Variants in HEATR5B observed in about 807,000 individuals in gnomAD.
HEATR5B encodes the protein HEAT repeat-containing protein 5B.
HEATR5B carries 156 observed loss-of-function variants against 224.1 expected under a neutral mutation model. The observed-to-expected ratio is 0.70, with a 90% CI of 0.61 to 0.80. The LOEUF (loss-of-function observed/expected upper bound fraction) is 0.80, where lower values mean the gene tolerates loss of function less well. HEATR5B is among the 30% of genes least tolerant of loss of function. The probability of loss-of-function intolerance (pLI) is 0.00; values close to 1 mark genes in which losing one functional copy is unlikely to be tolerated. For missense variants in HEATR5B, 2,323 were observed against 2,535.5 expected, an observed-to-expected ratio of 0.92 and a Z score of 1.80; for synonymous variants, 1,027 against 893.0, an observed-to-expected ratio of 1.15 and a Z score of -2.68.
intron 34 of HEATR5B, among the ~76,000 whole-genome samples, chr2:36,989,895 T>C (rs556566686): frequency 2.2e-5 from 3 of 135,174 alleles, no homozygotes; most frequent in African/African-American, 8.8e-5. Flanking sequence ...TCCAAGAATG[T>C]TTCCTTTTTT....
intron 8 of HEATR5B, among the ~76,000 whole-genome samples, chr2:37,068,041 T>C (rs1032256719): frequency 6.6e-6 from 1 of 152,158 alleles, no homozygotes; most frequent in Non-Finnish European, 1.5e-5. Flanking sequence ...ATTTTTGCCT[T>C]GCTTTTAGTA....
intron 17 of HEATR5B, among the ~76,000 whole-genome samples, chr2:37,052,362 T>C (rs1670615723): frequency 6.6e-6 from 1 of 152,136 alleles, no homozygotes; most frequent in African/African-American, 2.4e-5. Context: ...AATGGGAACT[T>C]GTTTCTGTTC....
Position 37,064,290 on chromosome 2 carries a change from T to TG in HEATR5B, c.1584+449_1584+450insC, listed in dbSNP as rs796746144. Among the ~76,000 whole-genome samples, 83 of 150,256 alleles carry TG rather than the reference T, an allele frequency of 5.5e-4. 1 individual carries two copies. The South Asian group carries it at 0.016, about 29-fold the overall frequency. ...ATATCTAAGGTTGGGTTTTTTTTTT[T>TG]TTTTTTTTTTGAGACAGGGTAGGTC... On this transcript the variant is annotated intron_variant, in intron 10 of 35. Transcript: ENST00000233099.
intron 33 of HEATR5B, among the ~76,000 whole-genome samples, chr2:36,999,731 G>A (rs1175369588): frequency 1.3e-5 from 2 of 151,564 alleles, no homozygotes; most frequent in East Asian, 1.9e-4. Context: ...AAAACCTCCC[G>A]GCCGGGTGCG....
intron 11 of HEATR5B, 136 bp downstream of exon 11, chr2:37,061,803 G>C: frequency 1.8e-6 from 1 of 563,740 alleles, no homozygotes; most frequent in Non-Finnish European, 3.2e-6. Context: ...CAAATGACGA[G>C]GAAAACATCT....
At chr2:37,083,186 GTGACCCATAAACCTTCCAAAACATAACA>G in intron 2 of HEATR5B, 75 bp downstream of exon 2, 1 of 1,306,836 alleles carries the variant, frequency 7.7e-7, no homozygotes, top group Non-Finnish European at 1.1e-6. Flanking sequence ...AGTTCCATAA[GTGACCCATAAACCTTCCAAAACATAACA>G]TGTGTTTTCT....
At position 37,028,060 on chromosome 2, in the gene HEATR5B, G is replaced by C; in HGVS notation, c.3716C>G (p.Pro1239Arg). The stretch of plus-strand genomic sequence containing the variant: ...AGTGGCCCAGCGAGGGGCCACAAAG[G>C]GCTTTGATTTATCTTCTTCACCTAA... ...TTLGEEDKSK[P>R]FVAPRWATRV... Residue 1239 changes from proline to arginine, a missense_variant, in exon 24 of 36, where the codon CCC (proline) becomes CGC (arginine). Transcript: ENST00000233099. The C allele has an allele frequency of 1.9e-6, 3 of 1,613,998 alleles. No homozygotes were observed. The South Asian group carries it at 3.3e-5, about 18-fold the overall frequency.
chr2:37,001,774 C>T (rs1002611103), intron 32 of HEATR5B, among the ~76,000 whole-genome samples: 2 of 151,680 alleles, frequency 1.3e-5, no homozygotes, highest in African/African-American at 4.8e-5. Context: ...AGTGATTCTC[C>T]TGCCTCAGCT....
Position 37,083,417 on chromosome 2 carries a change from C to G in HEATR5B, c.-3G>C. 2 of 1,609,602 alleles carry G rather than the reference C, an allele frequency of 1.2e-6. No individual in the cohort carries two copies. The highest frequency in any genetic ancestry group is 1.7e-6 in the Non-Finnish European group (2 of 1,178,138). ...AATAAACTGTGGGCTAACTCCATTA[C>G]GGAAGTTTGAAATTCACACCTTAAA... On this transcript the variant is annotated 5_prime_UTR_variant, in exon 2 of 36. Coordinates refer to ENST00000233099, the MANE Select transcript of HEATR5B (RefSeq NM_019024.3).
chr2:37,058,577 A>G lies in HEATR5B; in HGVS notation c.1950-17T>C. 1.3e-6 allele frequency: 2 copies of G among 1,513,220 alleles called. No individual in the cohort carries two copies. The highest frequency in any genetic ancestry group is 9.2e-7 in the Non-Finnish European group (1 of 1,089,080). 93.7% of individuals were successfully genotyped at this position (1,513,220 alleles called of 1,614,324 possible). A position where few individuals can be genotyped will look rare whatever the true frequency, so the allele number is the denominator to read the frequency against. Reference sequence around the variant, plus strand: ...GATGGAATGCTAAAATATCAAAAACATAGTTGGTAATGGCTTACCAGAATA... The same window carrying G: ...GATGGAATGCTAAAATATCAAAAACGTAGTTGGTAATGGCTTACCAGAATA... On this transcript the variant is annotated splice_polypyrimidine_tract_variant and intron_variant, in intron 13 of 35. Coordinates refer to ENST00000233099, the MANE Select transcript of HEATR5B (RefSeq NM_019024.3).
chr2:37,010,973 T>C, intron 27 of HEATR5B, among the ~76,000 whole-genome samples: 1 of 151,914 alleles, frequency 6.6e-6, no homozygotes, highest in South Asian at 2.1e-4. Flanking sequence ...AATATTACAA[T>C]GAGAGGGAAG....
chr2:37,072,366 T>C (rs1197816422), intron 5 of HEATR5B, 85 bp from the exon 6 acceptor site: 4 of 890,380 alleles, frequency 4.5e-6, no homozygotes, highest in African/African-American at 1.7e-5. Flanking sequence ...TTACCACCTC[T>C]CCTGAGATAA....
intron 33 of HEATR5B, among the ~76,000 whole-genome samples, chr2:36,999,676 C>T (rs1199014301): frequency 6.8e-6 from 1 of 147,776 alleles, no homozygotes; most frequent in African/African-American, 2.5e-5. Context: ...GAGACCCTGT[C>T]TCAAAAAAAA....
chr2:37,077,036 C>A lies in HEATR5B; in HGVS notation c.339-17G>T. 6.5e-7 allele frequency: 1 copy of A among 1,545,282 alleles called. No individual in the cohort carries two copies. The highest frequency in any genetic ancestry group is 8.9e-7 in the Non-Finnish European group (1 of 1,119,476). On this transcript the variant is annotated splice_polypyrimidine_tract_variant and intron_variant, in intron 3 of 35. Transcript: ENST00000233099. The stretch of plus-strand genomic sequence containing the variant: ...ACCGCAGCCCTGTAAGAAGTGACAA[C>A]TTCACTAGTCATTGTCCAGGTTAAT...
At chr2:37,041,448 C>T (rs1669863734) in intron 18 of HEATR5B, among the ~76,000 whole-genome samples, 156 bp from the exon 19 acceptor site, 1 of 152,174 alleles carries the variant, frequency 6.6e-6, no homozygotes, top group African/African-American at 2.4e-5. Flanking sequence ...GTTAGAACTT[C>T]AATTTAAAAT....
intron 26 of HEATR5B, among the ~76,000 whole-genome samples, chr2:37,019,460 C>CTTT (rs754220468): frequency 7.0e-6 from 1 of 143,486 alleles, no homozygotes; most frequent in Admixed American, 7.0e-5. Flanking sequence ...TCCTCTCTCT[C>CTTT]TTTTTTTTTT....
intron 26 of HEATR5B, among the ~76,000 whole-genome samples, chr2:37,017,988 G>T (rs1462818758): frequency 2.0e-5 from 3 of 151,910 alleles, no homozygotes; most frequent in Non-Finnish European, 4.4e-5. Context: ...TAATATCTAA[G>T]AGTTACCCTG....
Position 37,060,634 on chromosome 2 carries a change from C to T in HEATR5B, c.1796G>A (p.Gly599Asp), listed in dbSNP as rs201860358. 6 of 1,614,046 alleles carry T rather than the reference C, an allele frequency of 3.7e-6. No homozygotes were observed. In the African/African-American group the frequency reaches 8.0e-5, roughly 22 times the overall value. ...LKELEAEKAR[G>D]DSFTWQVTLE... ...AGTTACCTGCCAGGTAAAAGAATCG[C>T]CTCGGGCCTTCTCAGCTTCCAATTC... Residue 599 changes from glycine (G) to aspartate (D), a missense_variant, in exon 12 of 36, where the codon GGC (glycine) becomes GAC (aspartate). By Grantham distance (94) the Gly-to-Asp change is moderately conservative (BLOSUM62 -1). Transcript: ENST00000233099.
chr2:37,009,916 C>A (rs1260499921), intron 27 of HEATR5B, among the ~76,000 whole-genome samples: 2 of 151,994 alleles, frequency 1.3e-5, no homozygotes, highest in Non-Finnish European at 2.9e-5. Flanking sequence ...CCATAAATAT[C>A]CTTCTAAACT....
Sources: allele counts gnomAD v4.1 joint callset (sites outside exome capture counted in the v4.1 genomes callset), GRCh38; gene constraint gnomAD v4.1.1; transcripts MANE v1.5; gene names NCBI Gene and HGNC (gene_info 2026-07-23, HGNC 2026-07-21).